FARP2: variants seen among roughly 807,000 people sequenced by gnomAD.
FARP2 encodes FERM, ARHGEF and pleckstrin domain-containing protein 2.
Under a neutral mutation model 130.5 loss-of-function variants are expected in FARP2, and 111 were observed. The observed-to-expected ratio is 0.85, with a 90% CI of 0.73 to 1.00. The LOEUF (loss-of-function observed/expected upper bound fraction) is 1.00, where lower values mean the gene tolerates loss of function less well. Among genes scored for constraint, FARP2 ranks in the 50% least tolerant of loss-of-function variants. The pLI, the probability that FARP2 is intolerant of heterozygous loss-of-function variation, is 0.00. For synonymous variants in FARP2, 504 were observed against 516.9 expected (o/e 0.98, Z 0.34); for missense variants, 1,385 against 1,346.3 (o/e 1.03, Z -0.45).
At position 241,493,416 on chromosome 2, in the gene FARP2, C is replaced by A. The variant is rs182405145; in HGVS notation, c.3019C>A (p.Arg1007=). 1 of 1,613,918 alleles carries A rather than the reference C, an allele frequency of 6.2e-7. No homozygotes were observed. Among genetic ancestry groups the A allele is most frequent in the Admixed American group, 1.7e-5 (1 of 60,016 alleles). Residue 1007 remains arginine, a synonymous_variant, in exon 26 of 27, where the codon CGG becomes AGG. Transcript: ENST00000264042. ...GTTCAAATCCCACGTCTACTTCTTC[C>A]GGGCTGAGAGCAAGTACACATTTGA... ...LQFKSHVYFF[R]AESKYTFERW...
intron 7 of FARP2, among the ~76,000 whole-genome samples, chr2:241,416,164 G>A (rs2062664499): frequency 6.6e-6 from 1 of 152,022 alleles, no homozygotes; most frequent in African/African-American, 2.4e-5. Flanking sequence ...GTGTTCCTGT[G>A]TACATTGTAT....
chr2:241,465,634 C>T, intron 17 of FARP2: 1 of 1,550,840 alleles, frequency 6.4e-7, no homozygotes, highest in South Asian at 1.2e-5. Flanking sequence ...GGGTCTCACT[C>T]TTGCTTAACG....
intron 2 of FARP2, among the ~76,000 whole-genome samples, chr2:241,385,741 T>A (rs147632327): frequency 7.0e-4 from 106 of 151,884 alleles, no homozygotes; most frequent in African/African-American, 2.4e-3. Flanking sequence ...GAAAAAAAAA[T>A]TTTAATTACC....
chr2:241,411,198 AC>A, intron 6 of FARP2, 68 bp downstream of exon 6: 1 of 1,063,424 alleles, frequency 9.4e-7, no homozygotes, highest in East Asian at 2.5e-5. Flanking sequence ...ACTCAGAACT[AC>A]AATTAGTTGC....
intron 13 of FARP2, chr2:241,446,420 G>C (rs2063516009): frequency 6.6e-6 from 1 of 152,134 alleles, no homozygotes; most frequent in Non-Finnish European, 1.5e-5. Context: ...AGGGTGACTT[G>C]GTCCTTTTGA....
At position 241,440,324 on chromosome 2, in the gene FARP2, G is replaced by A. The variant is rs144616540; in HGVS notation, c.1159-980G>A. Among the ~76,000 whole-genome samples the A allele has an allele frequency of 3.3e-5, 5 of 152,320 alleles. No individual in the cohort carries two copies. In the East Asian group the frequency reaches 7.7e-4, roughly 23 times the overall value. ...TGTCCCCAAAGCGTGACTGCATCCC[G>A]TGATAGCGCGCGAGGAGTGACGCTT... is the stretch of plus-strand genomic sequence containing the variant. On this transcript the variant is annotated intron_variant, in intron 12 of 26. Coordinates refer to ENST00000264042, the MANE Select transcript of FARP2 (RefSeq NM_014808.4).
At position 241,463,913 on chromosome 2, in the gene FARP2, A is replaced by C. The variant is rs755133301; in HGVS notation, c.1826A>C (p.Lys609Thr). Reference sequence around the variant, plus strand: ...TTTTTACTCAGGGAAGGGCCCTCCAAAGCCCACACAAAAGGCAGTCATCAA... The same window carrying C: ...TTTTTACTCAGGGAAGGGCCCTCCACAGCCCACACAAAAGGCAGTCATCAA... ...QRLALWEGPS[K>T]AHTKGSHQRI... Residue 609 changes from lysine (K) to threonine (T), a missense_variant, in exon 17 of 27, where the codon AAA becomes ACA. By Grantham distance (78) the Lys-to-Thr change is moderately conservative. Transcript: ENST00000264042. 6.2e-7 allele frequency: 1 copy of C among 1,613,852 alleles called. No individual in the cohort carries two copies. The highest frequency in any genetic ancestry group is 1.7e-5 in the Admixed American group (1 of 60,002).
intron 2 of FARP2, among the ~76,000 whole-genome samples, chr2:241,373,860 G>A (rs2061477632): frequency 6.6e-6 from 1 of 151,998 alleles, no homozygotes; most frequent in African/African-American, 2.4e-5. Context: ...GATTGCACTG[G>A]TAATATTAGC....
intron 2 of FARP2, among the ~76,000 whole-genome samples, chr2:241,377,563 G>A (rs957219481): frequency 6.6e-6 from 1 of 152,004 alleles, no homozygotes; most frequent in Non-Finnish European, 1.5e-5. Context: ...GGATGGTCTC[G>A]ATCTCCTGAC....
At chr2:241,427,992 T>G (rs1315127566) in intron 8 of FARP2, among the ~76,000 whole-genome samples, 1 of 151,998 alleles carries the variant, frequency 6.6e-6, no homozygotes, top group East Asian at 1.9e-4. Flanking sequence ...GGTCTCGATC[T>G]CCTGACCTCG....
chr2:241,469,468 A>G (rs536850180), intron 18 of FARP2, among the ~76,000 whole-genome samples: 1 of 152,348 alleles, frequency 6.6e-6, no homozygotes, highest in African/African-American at 2.4e-5. Flanking sequence ...TCCCATAGCC[A>G]TGAATAGATA....
chr2:241,452,886 A>G (rs2063700653), intron 13 of FARP2, among the ~76,000 whole-genome samples: 1 of 151,466 alleles, frequency 6.6e-6, no homozygotes, highest in African/African-American at 2.4e-5. Flanking sequence ...GATTGCAGTG[A>G]GCCGAGATCA....
At chr2:241,387,362 A>G (rs1169561203) in intron 2 of FARP2, 2 of 152,228 alleles carry the variant, frequency 1.3e-5, no homozygotes, top group Admixed American at 1.3e-4. Flanking sequence ...AAAGTTTAAC[A>G]TACCTGTCTC....
intron 1 of FARP2, among the ~76,000 whole-genome samples, chr2:241,361,898 T>C (rs2061195159): frequency 6.6e-6 from 1 of 151,652 alleles, no homozygotes; most frequent in Admixed American, 6.6e-5. Context: ...TATTTTTTAT[T>C]TATTTATTTT....
Position 241,459,824 on chromosome 2 carries a change from C to T in FARP2, c.1588-2699C>T, listed in dbSNP as rs1397916665. On this transcript the variant is annotated intron_variant, in intron 14 of 26. Transcript: ENST00000264042. This position sits in a 1 kb window ranked among gnomAD's most constrained non-coding sequence, Gnocchi z 5.3. ...TATTCCTTGGGCTGATTGGGCGGGGCGGGGCGGGGGCAGGGGCGGGACGGA... is the reference window on the plus strand; with the variant it reads ...TATTCCTTGGGCTGATTGGGCGGGGTGGGGCGGGGGCAGGGGCGGGACGGA... Among the ~76,000 whole-genome samples, 4 of 14,772 alleles carry T rather than the reference C, an allele frequency of 2.7e-4. No individual in the cohort carries two copies. The highest frequency in any genetic ancestry group is 1.4e-3 in the Admixed American group (1 of 730). 9.7% of individuals were successfully genotyped at this position (14,772 alleles called of 152,430 possible). A position where few individuals can be genotyped will look rare whatever the true frequency, so the allele number is the denominator to read the frequency against.
intron 8 of FARP2, among the ~76,000 whole-genome samples, chr2:241,418,819 A>G (rs2062740706): frequency 1.3e-5 from 2 of 152,188 alleles, no homozygotes; most frequent in Non-Finnish European, 2.9e-5. Flanking sequence ...GCATATCTGA[A>G]GAAAGCTCTT....
intron 14 of FARP2, among the ~76,000 whole-genome samples, chr2:241,460,122 G>A (rs1306494689): frequency 6.6e-6 from 1 of 152,096 alleles, no homozygotes; most frequent in African/African-American, 2.4e-5. Context: ...TCTCCCCCAG[G>A]GCCCAAGGCC....
chr2:241,362,043 C>T (rs1287541697), intron 1 of FARP2, among the ~76,000 whole-genome samples: 4 of 151,766 alleles, frequency 2.6e-5, no homozygotes, highest in Non-Finnish European at 4.4e-5. Flanking sequence ...TACAGGCACA[C>T]GCCACCACGC....
At chr2:241,394,185 A>G (rs1160501144) in intron 2 of FARP2, among the ~76,000 whole-genome samples, 1 of 152,218 alleles carries the variant, frequency 6.6e-6, no homozygotes, top group Non-Finnish European at 1.5e-5. Context: ...TTTTAGGACC[A>G]GAAGGTATGT....
Sources: allele counts gnomAD v4.1 joint callset (sites outside exome capture counted in the v4.1 genomes callset), GRCh38; gene constraint gnomAD v4.1.1; non-coding constraint Gnocchi (gnomAD v3.1); transcripts MANE v1.5; gene names NCBI Gene and HGNC (gene_info 2026-07-23, HGNC 2026-07-21).